Variants in MACROD2 observed in about 807,000 individuals in gnomAD.
MACROD2 encodes ADP-ribose glycohydrolase MACROD2.
Under a neutral mutation model 70.4 loss-of-function variants are expected in MACROD2, and 36 were observed. That is an observed-to-expected ratio of 0.51 (90% CI 0.39 to 0.68). The LOEUF (loss-of-function observed/expected upper bound fraction) is 0.68, where lower values mean the gene tolerates loss of function less well. MACROD2 is among the 30% of genes least tolerant of loss of function. The pLI, the probability that MACROD2 is intolerant of heterozygous loss-of-function variation, is 0.00. For synonymous variants in MACROD2, 172 were observed against 178.8 expected, an observed-to-expected ratio of 0.96 and a Z score of 0.30; for missense variants, 496 against 538.4, an observed-to-expected ratio of 0.92 and a Z score of 0.78.
At chr20:15,232,101 T>C (rs536224991) in intron 6 of MACROD2, among the ~76,000 whole-genome samples, 1 of 152,092 alleles carries the variant, frequency 6.6e-6, no homozygotes, top group South Asian at 2.1e-4. Context: ...TCTTCCTTTT[T>C]TTGGAGTAAA....
intron 3 of MACROD2, among the ~76,000 whole-genome samples, chr20:14,443,686 A>T (rs1327643528): frequency 1.3e-5 from 2 of 152,130 alleles, no homozygotes; most frequent in Non-Finnish European, 2.9e-5. Context: ...AAATAGAAGA[A>T]ATATTAGTGA....
intron 8 of MACROD2, among the ~76,000 whole-genome samples, chr20:15,770,317 G>C (rs1271352131): frequency 6.6e-6 from 1 of 151,946 alleles, no homozygotes; most frequent in Non-Finnish European, 1.5e-5. Context: ...GTCATTTATA[G>C]CCTTTCTAAG....
chr20:15,830,100 G>A (rs917549002), intron 8 of MACROD2, among the ~76,000 whole-genome samples: 1 of 152,192 alleles, frequency 6.6e-6, no homozygotes, highest in Non-Finnish European at 1.5e-5. Flanking sequence ...TCATGAAAGT[G>A]CAAGTGGTGG....
intron 2 of MACROD2, among the ~76,000 whole-genome samples, chr20:14,027,068 C>G (rs2053178468): frequency 6.6e-6 from 1 of 152,160 alleles, no homozygotes; most frequent in Non-Finnish European, 1.5e-5. Context: ...CAAGTTGTTC[C>G]ATTCTCCCTT....
intron 7 of MACROD2, among the ~76,000 whole-genome samples, chr20:15,454,799 G>A (rs2046698673): frequency 1.7e-5 from 1 of 58,658 alleles, no homozygotes; most frequent in African/African-American, 5.9e-5. Context: ...GCAGCAGGAT[G>A]TCTCTGCGAA....
At chr20:15,710,701 C>A (rs16996401) in intron 8 of MACROD2, among the ~76,000 whole-genome samples, 1 of 152,012 alleles carries the variant, frequency 6.6e-6, no homozygotes, top group Non-Finnish European at 1.5e-5. Context: ...TTTGAAATCA[C>A]CAAGTCTGCA....
chr20:14,426,148 T>C (rs2083930338), intron 3 of MACROD2, among the ~76,000 whole-genome samples: 2 of 152,160 alleles, frequency 1.3e-5, no homozygotes, highest in African/African-American at 2.4e-5. Flanking sequence ...ATATCATTGA[T>C]TTTACCACTC....
At chr20:15,162,317 C>A (rs536897781) in intron 5 of MACROD2, among the ~76,000 whole-genome samples, 4 of 152,004 alleles carry the variant, frequency 2.6e-5, no homozygotes, top group African/African-American at 9.6e-5. Context: ...AAATTAATAG[C>A]CATAAGAGAA....
At chr20:15,077,503 A>G (rs942385431) in intron 5 of MACROD2, among the ~76,000 whole-genome samples, 4 of 152,200 alleles carry the variant, frequency 2.6e-5, no homozygotes, top group African/African-American at 7.2e-5. Context: ...AATGTAAAGG[A>G]TTAGTATTAG....
At chr20:14,495,686 T>G (rs2084845584) in intron 4 of MACROD2, among the ~76,000 whole-genome samples, 1 of 152,156 alleles carries the variant, frequency 6.6e-6, no homozygotes, top group South Asian at 2.1e-4. Flanking sequence ...GGCTTGTATT[T>G]TCTTATGATT....
At chr20:14,433,063 G>C (rs2084013101) in intron 3 of MACROD2, among the ~76,000 whole-genome samples, 1 of 152,094 alleles carries the variant, frequency 6.6e-6, no homozygotes, top group Non-Finnish European at 1.5e-5. Flanking sequence ...GGTTTTAAGT[G>C]TGTGTCACCA....
chr20:15,642,787 A>C (rs369563239), intron 8 of MACROD2, among the ~76,000 whole-genome samples: 1 of 151,652 alleles, frequency 6.6e-6, no homozygotes, highest in Non-Finnish European at 1.5e-5. Flanking sequence ...GTGTGTGTGT[A>C]TGTGTGCACA....
rs139781877 is a variant in MACROD2, at chr20:14,140,656, G to A, written c.271+54928G>A. On this transcript the variant is annotated intron_variant, in intron 3 of 17. Transcript: ENST00000684519. Reference sequence around the variant, plus strand: ...TTGCTTGAGAGGGTGGTAGGATAGAGCTTGTGTGTACCTCAGCTCCAGCTG... The same window carrying A: ...TTGCTTGAGAGGGTGGTAGGATAGAACTTGTGTGTACCTCAGCTCCAGCTG... Among the ~76,000 whole-genome samples the A allele has an allele frequency of 2.9e-3, 442 of 152,222 alleles. 4 individuals carry two copies. Among genetic ancestry groups the A allele is most frequent in the African/African-American group, 1.0e-2 (415 of 41,520 alleles).
chr20:15,754,870 T>A (rs1241841613), intron 8 of MACROD2, among the ~76,000 whole-genome samples: 2 of 151,752 alleles, frequency 1.3e-5, no homozygotes, highest in African/African-American at 2.4e-5. Flanking sequence ...GCTGGGTTTT[T>A]TTTTTTGCAA....
intron 8 of MACROD2, among the ~76,000 whole-genome samples, chr20:15,622,786 A>C (rs2049147218): frequency 6.6e-6 from 1 of 152,206 alleles, no homozygotes; most frequent in South Asian, 2.1e-4. Context: ...CCACATTCAC[A>C]TAACTTTTCT....
intron 5 of MACROD2, among the ~76,000 whole-genome samples, chr20:15,048,978 A>G (rs2075417788): frequency 6.6e-6 from 1 of 152,110 alleles, no homozygotes. Flanking sequence ...GGATAAATGA[A>G]CAGTGCATTA....
chr20:15,346,964 G>A (rs988684146), intron 6 of MACROD2, among the ~76,000 whole-genome samples: 1 of 152,134 alleles, frequency 6.6e-6, no homozygotes, highest in African/African-American at 2.4e-5. Flanking sequence ...CTGAGTGCAT[G>A]GTCAGGTGCT....
intron 5 of MACROD2, among the ~76,000 whole-genome samples, chr20:15,052,321 A>G (rs2075448761): frequency 6.6e-6 from 1 of 151,934 alleles, no homozygotes; most frequent in Admixed American, 6.6e-5. Flanking sequence ...GTTTTGCTTT[A>G]TTGTGCTTTG....
chr20:14,708,237 TAATATA>T (rs2071293539), intron 5 of MACROD2, among the ~76,000 whole-genome samples: 1 of 152,222 alleles, frequency 6.6e-6, no homozygotes, highest in African/African-American at 2.4e-5. Context: ...CCTCTTATTA[TAATATA>T]CACTGTGGTA....
Sources: gnomAD v4.1 joint callset for allele counts (sites outside exome capture counted in the v4.1 genomes callset) on GRCh38, gnomAD v4.1.1 for gene constraint, MANE v1.5 for transcripts, NCBI Gene and HGNC (gene_info 2026-07-23, HGNC 2026-07-21) for gene names.